HEMK2: variants seen among roughly 807,000 people sequenced by gnomAD.
HEMK2 encodes the protein methyltransferase HEMK2.
chr21:28,842,818 T>C, the HEMK2 span, among the ~76,000 whole-genome samples: 1 of 152,170 alleles, frequency 6.6e-6, no homozygotes, highest in Non-Finnish European at 1.5e-5. Context: ...TTTCCTCCTC[T>C]GATTGTATAC....
At chr21:28,849,235 G>A in the HEMK2 span, among the ~76,000 whole-genome samples, 2 of 152,042 alleles carry the variant, frequency 1.3e-5, no homozygotes, top group East Asian at 1.9e-4. Context: ...CAGGAGTGCC[G>A]AGCTGAGGTT....
the HEMK2 span, among the ~76,000 whole-genome samples, chr21:28,884,857 T>A: frequency 5.9e-5 from 9 of 152,346 alleles, no homozygotes; most frequent in East Asian, 1.7e-3. Flanking sequence ...AAAATATTAA[T>A]AAGCAATGTT....
the HEMK2 span, among the ~76,000 whole-genome samples, chr21:28,725,892 A>G: frequency 1.3e-5 from 2 of 152,228 alleles, no homozygotes; most frequent in East Asian, 3.8e-4. Flanking sequence ...ACTTCCAGTA[A>G]ATTGTAAATA....
At chr21:28,621,015 T>C in the HEMK2 span, among the ~76,000 whole-genome samples, 1 of 149,138 alleles carries the variant, frequency 6.7e-6, no homozygotes, top group South Asian at 2.1e-4. Context: ...ATCTAGTTGG[T>C]TAATCTTTTC....
the HEMK2 span, among the ~76,000 whole-genome samples, chr21:28,666,413 G>T: frequency 6.6e-6 from 1 of 152,152 alleles, no homozygotes; most frequent in South Asian, 2.1e-4. Context: ...AGGAGTTTAG[G>T]TTGCTAATAC....
At chr21:28,732,170 C>A in the HEMK2 span, among the ~76,000 whole-genome samples, 2 of 152,216 alleles carry the variant, frequency 1.3e-5, no homozygotes, top group East Asian at 3.8e-4. Flanking sequence ...CTATTTCTAG[C>A]CCTACATGCT....
At chr21:28,798,136 A>G in the HEMK2 span, among the ~76,000 whole-genome samples, 4 of 152,244 alleles carry the variant, frequency 2.6e-5, 1 homozygote, top group Admixed American at 2.6e-4. Context: ...TCAAGCAGCA[A>G]CCGCTACTTT....
the HEMK2 span, among the ~76,000 whole-genome samples, chr21:28,806,194 G>A: frequency 1.3e-5 from 2 of 152,202 alleles, no homozygotes; most frequent in Non-Finnish European, 2.9e-5. Flanking sequence ...TGATGCCTCT[G>A]AAGTGTTCTG....
the HEMK2 span, among the ~76,000 whole-genome samples, chr21:28,838,291 T>C: frequency 2.0e-5 from 3 of 152,048 alleles, no homozygotes; most frequent in African/African-American, 7.2e-5. Flanking sequence ...TCCCAGCACT[T>C]TGGGAGGCCA....
the HEMK2 span, among the ~76,000 whole-genome samples, chr21:28,797,490 C>A: frequency 8.3e-6 from 1 of 121,156 alleles, no homozygotes; most frequent in African/African-American, 3.4e-5. Context: ...AGCTGTGTGC[C>A]TGTGGTCCCA....
the HEMK2 span, among the ~76,000 whole-genome samples, chr21:28,758,802 G>A: frequency 2.6e-4 from 39 of 152,278 alleles, no homozygotes; most frequent in Non-Finnish European, 3.7e-4. Context: ...GGAAGCTGGT[G>A]AATAGGCTGG....
At chr21:28,728,201 C>T in the HEMK2 span, among the ~76,000 whole-genome samples, 1 of 152,166 alleles carries the variant, frequency 6.6e-6, no homozygotes, top group African/African-American at 2.4e-5. Flanking sequence ...TACAAATTAA[C>T]TATGTAGACA....
At chr21:28,831,526 G>GAAAGAAAGAAAGAAA in the HEMK2 span, among the ~76,000 whole-genome samples, 4 of 34,806 alleles carry the variant, frequency 1.1e-4, no homozygotes, top group African/African-American at 1.6e-4. Context: ...AAAGAAAGAA[G>GAAAGAAAGAAAGAAA]GAAAGAAGGA....
the HEMK2 span, among the ~76,000 whole-genome samples, chr21:28,697,778 C>CAAAA: frequency 3.4e-3 from 272 of 79,526 alleles, 16 homozygotes; most frequent in African/African-American, 0.014. Context: ...ATCATGAGCC[C>CAAAA]AAAAAAAAAA....
the HEMK2 span, among the ~76,000 whole-genome samples, chr21:28,749,891 ATAT>A: frequency 6.2e-4 from 94 of 152,366 alleles, no homozygotes; most frequent in African/African-American, 2.2e-3. Flanking sequence ...AAAAACTGGC[ATAT>A]TCTCTAAAAG....
At chr21:28,862,411 G>A in the HEMK2 span, among the ~76,000 whole-genome samples, 1 of 147,700 alleles carries the variant, frequency 6.8e-6, no homozygotes, top group Non-Finnish European at 1.5e-5. Context: ...AGGCCGAGGC[G>A]GGTGGATCAT....
chr21:28,860,775 G>T, the HEMK2 span, among the ~76,000 whole-genome samples: 1 of 152,170 alleles, frequency 6.6e-6, no homozygotes, highest in African/African-American at 2.4e-5. Context: ...TGGGATAGTG[G>T]TGGAAGGAAC....
chr21:28,729,495 C>T, the HEMK2 span, among the ~76,000 whole-genome samples: 1 of 152,152 alleles, frequency 6.6e-6, no homozygotes, highest in African/African-American at 2.4e-5. Context: ...TCAGGCAAAG[C>T]TGGATCCCAA....
chr21:28,656,551 C>T, the HEMK2 span, among the ~76,000 whole-genome samples: 1 of 151,990 alleles, frequency 6.6e-6, no homozygotes, highest in Non-Finnish European at 1.5e-5. Context: ...CTAGCACAGT[C>T]CATGCAATAC....
Sources: allele counts gnomAD v4.1 joint callset (sites outside exome capture counted in the v4.1 genomes callset), GRCh38; gene constraint gnomAD v4.1.1; transcripts MANE v1.5; gene names NCBI Gene and HGNC (gene_info 2026-07-23, HGNC 2026-07-21).